Variants in FCHSD2 observed in about 807,000 individuals in gnomAD.
The protein encoded by FCHSD2 is FCH and double SH3 domains 2.
Under a neutral mutation model 108.1 loss-of-function variants are expected in FCHSD2, and 38 were observed. That is an observed-to-expected ratio of 0.35 (90% CI 0.27 to 0.46). The LOEUF is 0.46. FCHSD2 is among the 20% of genes least tolerant of loss of function. The pLI, the probability that FCHSD2 is intolerant of heterozygous loss-of-function variation, is 1.00. For synonymous variants in FCHSD2, 279 were observed against 314.7 expected (o/e 0.89, Z 1.20); for missense variants, 751 against 897.8 (o/e 0.84, Z 2.09).
intron 8 of FCHSD2, among the ~76,000 whole-genome samples, chr11:72,948,829 C>A (rs1478691406): frequency 6.6e-6 from 1 of 151,864 alleles, no homozygotes; most frequent in African/African-American, 2.4e-5. Context: ...CTACGCCTGG[C>A]TAATTTTTTA....
intron 2 of FCHSD2, among the ~76,000 whole-genome samples, chr11:73,084,187 T>G (rs370915900): frequency 1.1e-4 from 16 of 152,204 alleles, no homozygotes; most frequent in African/African-American, 3.6e-4. Context: ...TTAACCAATG[T>G]AAGAGGGAAC....
chr11:73,139,641 G>A (rs1309193198), intron 2 of FCHSD2, among the ~76,000 whole-genome samples: 1 of 152,192 alleles, frequency 6.6e-6, no homozygotes, highest in Non-Finnish European at 1.5e-5. Flanking sequence ...ATCTGGGGTT[G>A]ACTGGCTCAC....
intron 3 of FCHSD2, among the ~76,000 whole-genome samples, chr11:73,070,969 TCAGATGGGAAGGG>T (rs1859422579): frequency 6.6e-6 from 1 of 152,150 alleles, no homozygotes; most frequent in Non-Finnish European, 1.5e-5. Context: ...CTGGCATCCT[TCAGATGGGAAGGG>T]CCTTTACACA....
chr11:72,964,533 G>A (rs1389324415), intron 8 of FCHSD2, among the ~76,000 whole-genome samples: 1 of 152,166 alleles, frequency 6.6e-6, no homozygotes, highest in Non-Finnish European at 1.5e-5. Flanking sequence ...GGCAAGGGCT[G>A]TGTTTTTGTT....
At chr11:73,096,197 A>C (rs1030413515) in intron 2 of FCHSD2, among the ~76,000 whole-genome samples, 2 of 152,046 alleles carry the variant, frequency 1.3e-5, no homozygotes, top group Non-Finnish European at 2.9e-5. Context: ...CATGAAAGAG[A>C]TAATATGTAA....
At position 72,843,443 on chromosome 11, in the gene FCHSD2, AT is replaced by A. The variant is rs1320530784; in HGVS notation, c.1527+5del. 6.2e-7 allele frequency: 1 copy of A among 1,611,136 alleles called. No homozygotes were observed. The highest frequency in any genetic ancestry group is 1.3e-5 in the African/African-American group (1 of 74,876). ...AAGAAAGGGCGATATGAGCAAAGGA[AT>A]ATACCTTTACCCAGTCTTCCATATC... On this transcript the variant is annotated splice_donor_5th_base_variant and intron_variant, in intron 15 of 19. Transcript: ENST00000409418.
In FCHSD2 at chr11:72,887,486, T is replaced by G; in HGVS notation, c.1130A>C (p.Asn377Thr). 3 of 1,605,354 alleles carry G rather than the reference T, an allele frequency of 1.9e-6. No homozygotes were observed. Among genetic ancestry groups the G allele is most frequent in the Non-Finnish European group, 2.6e-6 (3 of 1,176,270 alleles). The change falls in exon 12 of 20, where the codon AAT becomes ACT. Residue 377 changes from asparagine to threonine, a missense_variant. By Grantham distance (65) the Asn-to-Thr change is moderately conservative. Transcript: ENST00000409418. ...LEQKIDEARE[N>T]IRKAEIIKLK... ...CCACCTTACCTCTGCTTTACGAATA[T>G]TTTCTCTAGCTTCATCTATTTTCTG...
intron 2 of FCHSD2, among the ~76,000 whole-genome samples, chr11:73,125,317 A>G (rs954168588): frequency 3.3e-5 from 5 of 152,258 alleles, no homozygotes; most frequent in Admixed American, 6.5e-5. Context: ...TAAGCAGCAC[A>G]AAGTCTGGGA....
chr11:72,857,926 CACTT>C (rs1276435288), intron 13 of FCHSD2, among the ~76,000 whole-genome samples: 2 of 152,134 alleles, frequency 1.3e-5, no homozygotes, highest in Non-Finnish European at 2.9e-5. Flanking sequence ...TTGACTATGT[CACTT>C]ACTTGTTGTG....
intron 3 of FCHSD2, among the ~76,000 whole-genome samples, chr11:73,076,677 C>T (rs982952329): frequency 6.6e-6 from 1 of 152,226 alleles, no homozygotes; most frequent in Non-Finnish European, 1.5e-5. Context: ...ATTGATGAAT[C>T]ATTAATGGTA....
At chr11:73,071,542 A>T (rs1380222231) in intron 3 of FCHSD2, among the ~76,000 whole-genome samples, 4 of 151,870 alleles carry the variant, frequency 2.6e-5, no homozygotes, top group South Asian at 4.2e-4. Flanking sequence ...ATACAAAAAA[A>T]AAAAAAAAAT....
intron 13 of FCHSD2, among the ~76,000 whole-genome samples, chr11:72,859,412 C>G (rs1861513088): frequency 6.6e-6 from 1 of 152,040 alleles, no homozygotes; most frequent in South Asian, 2.1e-4. Context: ...TTCAAGTAGC[C>G]CTTATTTTAC....
intron 10 of FCHSD2, among the ~76,000 whole-genome samples, chr11:72,898,919 T>C (rs977880858): frequency 2.0e-5 from 3 of 150,002 alleles, no homozygotes; most frequent in African/African-American, 7.3e-5. Flanking sequence ...TTATTATTAT[T>C]TTTTTTTTAG....
chr11:73,014,702 C>T (rs1315373087), intron 4 of FCHSD2, among the ~76,000 whole-genome samples: 1 of 152,150 alleles, frequency 6.6e-6, no homozygotes, highest in Non-Finnish European at 1.5e-5. Context: ...GGATTCTCTG[C>T]TATTGTTTGA....
At chr11:72,846,080 ATAGATAGATAGATAAGT>A (rs1188273286) in intron 14 of FCHSD2, among the ~76,000 whole-genome samples, 2 of 692 alleles carry the variant, frequency 2.9e-3, no homozygotes, top group African/African-American at 3.2e-3. Flanking sequence ...AGATAGATAG[ATAGATAGATAGATAAGT>A]AGTTACGATT....
chr11:72,847,690 CTTTTTTTT>C (rs60989366), intron 14 of FCHSD2, among the ~76,000 whole-genome samples: 2 of 129,062 alleles, frequency 1.5e-5, no homozygotes, highest in Non-Finnish European at 3.3e-5. Context: ...TGACTCTAAC[CTTTTTTTT>C]TTTTTTTTTT....
chr11:73,044,289 A>C (rs926297231), intron 3 of FCHSD2, among the ~76,000 whole-genome samples: 1 of 152,186 alleles, frequency 6.6e-6, no homozygotes, highest in African/African-American at 2.4e-5. Flanking sequence ...ATATTTCCAA[A>C]GTCAGAGGCT....
intron 2 of FCHSD2, among the ~76,000 whole-genome samples, chr11:73,103,555 T>C (rs1860272430): frequency 6.6e-6 from 1 of 152,212 alleles, no homozygotes; most frequent in Non-Finnish European, 1.5e-5. Flanking sequence ...TGAATATATC[T>C]ACAATTGTGT....
chr11:72,917,900 A>G (rs1264362035), intron 9 of FCHSD2, among the ~76,000 whole-genome samples: 1 of 152,128 alleles, frequency 6.6e-6, no homozygotes, highest in Non-Finnish European at 1.5e-5. Flanking sequence ...ATTAAAAAAA[A>G]AAAAAAATTG....
Sources: allele counts gnomAD v4.1 joint callset (sites outside exome capture counted in the v4.1 genomes callset), GRCh38; gene constraint gnomAD v4.1.1; transcripts MANE v1.5; gene names NCBI Gene and HGNC (gene_info 2026-07-23, HGNC 2026-07-21).